ATP10B: variants seen among roughly 807,000 people sequenced by gnomAD.
ATP10B encodes phospholipid-transporting ATPase VB.
Under a neutral mutation model 141.2 loss-of-function variants are expected in ATP10B, and 122 were observed. The ratio of observed to expected loss-of-function variants is 0.86; its 90% CI spans 0.75 to 1.00. ATP10B has a LOEUF of 1.00. Among genes scored for constraint, ATP10B ranks in the 50% least tolerant of loss-of-function variants. ATP10B has a pLI of 0.00. For missense variants in ATP10B, 1,876 were observed against 1,825.3 expected (o/e 1.03, Z -0.51); for synonymous variants, 685 against 692.0 (o/e 0.99, Z 0.16).
chr5:160,715,975 C>T (rs7717797), intron 3 of ATP10B, among the ~76,000 whole-genome samples: 1,687 of 152,194 alleles, frequency 0.011, 18 homozygotes, highest in Non-Finnish European at 0.018. Flanking sequence ...TCCCAAAGTG[C>T]TGGGATTACA....
At chr5:160,693,050 A>C (rs891011410) in intron 3 of ATP10B, among the ~76,000 whole-genome samples, 2 of 152,154 alleles carry the variant, frequency 1.3e-5, no homozygotes, top group Admixed American at 6.5e-5. Context: ...AAAAACCTCA[A>C]ATTGGGGGGC....
At chr5:160,783,981 C>T (rs754599150) in intron 2 of ATP10B, among the ~76,000 whole-genome samples, 4 of 152,038 alleles carry the variant, frequency 2.6e-5, no homozygotes, top group East Asian at 1.9e-4. Context: ...CACTTATCAT[C>T]GCGGCTCATC....
At position 160,565,498 on chromosome 5, in the gene ATP10B, T is replaced by G. The variant is rs771891348; in HGVS notation, c.4341A>C (p.Ser1447=). ...SRGQTDMCRC[S]KRSSHRRSQS... ...GGGATCGGCGATGGCTGCTCCTCTT[T>G]GAGCACCGGCACATATCAGTCTGTC... is the stretch of plus-strand genomic sequence containing the variant. The change falls in exon 26 of 26, where the codon TCA becomes TCC. Residue 1447 remains serine, a synonymous_variant. Coordinates refer to ENST00000327245, the MANE Select transcript of ATP10B (RefSeq NM_025153.3). The G allele has an allele frequency of 3.7e-6, 6 of 1,614,154 alleles. No homozygotes were observed. In the South Asian group the frequency reaches 5.5e-5, roughly 15 times the overall value.
chr5:160,644,114 A>G, intron 9 of ATP10B, 24 bp downstream of exon 9: 1 of 1,602,080 alleles, frequency 6.2e-7, no homozygotes, highest in Non-Finnish European at 8.6e-7. Flanking sequence ...AAATTCAGAC[A>G]AAAGAAACTA....
the ATP10B span, among the ~76,000 whole-genome samples, chr5:160,858,389 G>C: frequency 6.6e-6 from 1 of 151,838 alleles, no homozygotes; most frequent in Non-Finnish European, 1.5e-5. Flanking sequence ...TAGAAAGCAT[G>C]TAACTGATCA....
intron 22 of ATP10B, among the ~76,000 whole-genome samples, chr5:160,597,098 G>A (rs1756752673): frequency 6.6e-6 from 1 of 152,150 alleles, no homozygotes; most frequent in African/African-American, 2.4e-5. Context: ...TCAATCCTAA[G>A]CCAAAAGAAC....
At chr5:160,571,777 G>A (rs1581131325) in intron 24 of ATP10B, among the ~76,000 whole-genome samples, 1 of 152,268 alleles carries the variant, frequency 6.6e-6, no homozygotes, top group South Asian at 2.1e-4. Context: ...GGCTCACCCA[G>A]GTAACATGAA....
chr5:160,818,366 A>C (rs563875689), intron 1 of ATP10B, among the ~76,000 whole-genome samples: 1 of 152,378 alleles, frequency 6.6e-6, no homozygotes, highest in Non-Finnish European at 1.5e-5. Context: ...TCTCAAAAGA[A>C]GACATTGATG....
At position 160,824,770 on chromosome 5, in the gene ATP10B, C is replaced by A. The variant is rs988639569; in HGVS notation, c.-576+27171G>T. ...GTGGGACCTCTGTGGTATATGCAAT[C>A]TTTCATTGACTGAAACATTGTTATG... On this transcript the variant is annotated intron_variant, in intron 1 of 25. Transcript: ENST00000327245. Among the ~76,000 whole-genome samples, 4 of 152,080 alleles carry A rather than the reference C, an allele frequency of 2.6e-5. 1 individual carries two copies. The highest frequency in any genetic ancestry group is 2.9e-5 in the Non-Finnish European group (2 of 68,034).
intron 2 of ATP10B, among the ~76,000 whole-genome samples, chr5:160,736,022 G>T (rs765718737): frequency 1.4e-4 from 22 of 152,102 alleles, no homozygotes; most frequent in Non-Finnish European, 2.9e-4. Flanking sequence ...AACTATAAGT[G>T]CCTATAAAGA....
intron 1 of ATP10B, among the ~76,000 whole-genome samples, chr5:160,832,085 A>G (rs1775119612): frequency 1.3e-5 from 2 of 150,902 alleles, no homozygotes; most frequent in Admixed American, 1.3e-4. Context: ...GTCAACAAGT[A>G]ATCAGAACAT....
the ATP10B span, among the ~76,000 whole-genome samples, chr5:160,923,052 G>A: frequency 2.9e-3 from 437 of 152,368 alleles, 1 homozygote; most frequent in African/African-American, 0.01. Context: ...CATCGATGAA[G>A]TGTCTTTCTG....
intron 2 of ATP10B, among the ~76,000 whole-genome samples, chr5:160,753,457 T>C (rs1338369954): frequency 6.6e-6 from 1 of 152,224 alleles, no homozygotes; most frequent in African/African-American, 2.4e-5. Flanking sequence ...GCAACATCAC[T>C]GATATACATA....
the ATP10B span, among the ~76,000 whole-genome samples, chr5:160,878,693 A>C: frequency 6.6e-6 from 1 of 152,312 alleles, no homozygotes; most frequent in East Asian, 1.9e-4. Context: ...TTACAAGAAC[A>C]AAACAAACAA....
At chr5:160,920,499 T>C in the ATP10B span, among the ~76,000 whole-genome samples, 50 of 152,336 alleles carry the variant, frequency 3.3e-4, no homozygotes, top group African/African-American at 1.2e-3. Context: ...CTCTCAAGCA[T>C]GGGACATGCA....
rs750295603 is a variant in ATP10B, at chr5:160,649,178, C to T, written c.754G>A (p.Gly252Ser). ...KPNNHLNKFK[G>S]YMEHPDQTRT... ...GGGACATGAGATACTTACATATAAC[C>T]CTTAAATTTGTTGAGGTGGTTGTTG... Residue 252 changes from glycine to serine, a missense_variant, in exon 8 of 26, where the codon GGT becomes AGT. Physicochemically the swap from Gly to Ser is moderately conservative, Grantham distance 56. Transcript: ENST00000327245. 6.2e-7 allele frequency: 1 copy of T among 1,611,844 alleles called. No homozygotes were observed. The highest frequency in any genetic ancestry group is 8.5e-7 in the Non-Finnish European group (1 of 1,178,118).
At chr5:160,601,531 G>GA (rs1440598882) in intron 21 of ATP10B, among the ~76,000 whole-genome samples, 4 of 152,146 alleles carry the variant, frequency 2.6e-5, no homozygotes, top group African/African-American at 9.7e-5. Flanking sequence ...TTTCAAAGAA[G>GA]AGTCTTCTGA....
At chr5:160,846,309 G>A (rs1002269018) in intron 1 of ATP10B, among the ~76,000 whole-genome samples, 2 of 152,178 alleles carry the variant, frequency 1.3e-5, no homozygotes, top group African/African-American at 4.8e-5. Context: ...AACTCACATG[G>A]TGAGTTGTAT....
intron 13 of ATP10B, among the ~76,000 whole-genome samples, chr5:160,630,342 C>G (rs1401015520): frequency 2.0e-5 from 3 of 152,182 alleles, no homozygotes; most frequent in African/African-American, 4.8e-5. Flanking sequence ...GCTAAAAGCC[C>G]TGCATCCAAG....
Sources: allele counts gnomAD v4.1 joint callset (sites outside exome capture counted in the v4.1 genomes callset), GRCh38; gene constraint gnomAD v4.1.1; transcripts MANE v1.5; gene names NCBI Gene and HGNC (gene_info 2026-07-23, HGNC 2026-07-21).